Variants in CENPT observed in about 807,000 individuals in gnomAD.
CENPT encodes interphase centromere complex protein 22.
CENPT carries 42 observed loss-of-function variants against 59.7 expected under a neutral mutation model. The ratio of observed to expected loss-of-function variants is 0.70; its 90% CI spans 0.55 to 0.91. The LOEUF is 0.91. Among genes scored for constraint, CENPT ranks in the 40% least tolerant of loss-of-function variants. CENPT has a pLI of 0.00. For missense variants in CENPT, 716 were observed against 713.4 expected, an observed-to-expected ratio of 1.00 and a Z score of -0.04; for synonymous variants, 295 against 289.6, an observed-to-expected ratio of 1.02 and a Z score of -0.19.
chr16:67,842,483 C>T lies in CENPT; in HGVS notation c.-492+4918G>A. The stretch of plus-strand genomic sequence containing the variant: ...GCGGCGCCGCCCGTCGAGGGGCGGG[C>T]GGCGGCGTAGCCACTGGGCCGTCGA... On this transcript the variant is annotated intron_variant, in intron 1 of 15. Transcript: ENST00000562787. This position sits in a 1 kb window ranked among gnomAD's most constrained non-coding sequence, Gnocchi z 4.9. The T allele has an allele frequency of 1.7e-6, 2 of 1,204,240 alleles. No homozygotes were observed. Among genetic ancestry groups the T allele is most frequent in the African/African-American group, 3.2e-5 (2 of 62,650 alleles). 74.6% of individuals were successfully genotyped at this position (1,204,240 alleles called of 1,614,324 possible).
chr16:67,837,344 T>C (rs940495750), intron 1 of CENPT, among the ~76,000 whole-genome samples: 3 of 152,098 alleles, frequency 2.0e-5, no homozygotes, highest in Non-Finnish European at 4.4e-5. Context: ...CAGCTAATTA[T>C]TGTATTTTAC....
chr16:67,831,775 G>C lies in CENPT; in HGVS notation c.502C>G (p.Gln168Glu). The C allele has an allele frequency of 6.3e-7, 1 of 1,585,092 alleles. No individual in the cohort carries two copies. The highest frequency in any genetic ancestry group is 8.6e-7 in the Non-Finnish European group (1 of 1,166,430). ...RLSVFQQGVD[Q>E]GLSLSQEPQG... ...TCACCTTGGGAGAGAGACAGCCCCT[G>C]GTCCACTCCCTGCTGAAACACTGAC... The change falls in exon 8 of 16, where the codon CAG becomes GAG. Residue 168 changes from glutamine to glutamate, a missense_variant. Physicochemically the swap from Gln to Glu is conservative, Grantham distance 29. Coordinates refer to ENST00000562787, the MANE Select transcript of CENPT (RefSeq NM_025082.4).
rs777237024 is a variant in CENPT at position 67,832,542 on chromosome 16, G to A, written c.114C>T (p.Ala38=). 6.2e-7 allele frequency: 1 copy of A among 1,613,808 alleles called. No homozygotes were observed. The highest frequency in any genetic ancestry group is 1.7e-5 in the Admixed American group (1 of 60,016). ...PRRPRSARAG[A]RRALLETASP... ...AAGCCGTTTCAAGCAGGGCTCTCCGGGCTCTGTGTAAAGACCAGCAATTAT... is the reference window on the plus strand; with the variant it reads ...AAGCCGTTTCAAGCAGGGCTCTCCGAGCTCTGTGTAAAGACCAGCAATTAT... Residue 38 remains alanine, a synonymous_variant, in exon 5 of 16, where the codon GCC becomes GCT. Transcript: ENST00000562787.
At position 67,842,446 on chromosome 16, in the gene CENPT, C is replaced by G; in HGVS notation, c.-492+4955G>C. 1.2e-6 allele frequency: 1 copy of G among 867,314 alleles called. No individual in the cohort carries two copies. The allele number at this position is 867,314 out of a possible 1,614,324, so 53.7% of individuals were successfully genotyped here. On this transcript the variant is annotated intron_variant, in intron 1 of 15. Coordinates refer to ENST00000562787, the MANE Select transcript of CENPT (RefSeq NM_025082.4). The surrounding 1 kb of genome is among the most constrained non-coding windows in gnomAD (Gnocchi z 4.9). Reference sequence around the variant, plus strand: ...CCGAGCGGCAGTGGTGGGATACCACCCAAGGCCTCGCGCGGCGCCGCCCGT... The same window carrying G: ...CCGAGCGGCAGTGGTGGGATACCACGCAAGGCCTCGCGCGGCGCCGCCCGT...
intron 5 of CENPT, 65 bp from the exon 6 acceptor site, chr16:67,832,380 C>A (rs1414135294): frequency 6.2e-7 from 1 of 1,608,736 alleles, no homozygotes; most frequent in Admixed American, 1.7e-5. Context: ...AGGTGGGCTC[C>A]AGAGCAGAGC....
chr16:67,842,767 C>G lies in CENPT; in HGVS notation c.-492+4634G>C. The stretch of plus-strand genomic sequence containing the variant: ...TTCACTTCCAGGGCGGCCGCAAGAC[C>G]TACACGGTACGCGTCCCCACCATCT... On this transcript the variant is annotated intron_variant, in intron 1 of 15. Coordinates refer to ENST00000562787, the MANE Select transcript of CENPT (RefSeq NM_025082.4). The surrounding 1 kb of genome is among the most constrained non-coding windows in gnomAD (Gnocchi z 4.9). 4.3e-6 allele frequency: 7 copies of G among 1,610,632 alleles called. No homozygotes were observed. Among genetic ancestry groups the G allele is most frequent in the South Asian group, 3.3e-5 (3 of 90,668 alleles).
intron 13 of CENPT, 110 bp downstream of exon 13, chr16:67,829,313 G>C: frequency 1.2e-6 from 1 of 863,688 alleles, no homozygotes; most frequent in Middle Eastern, 2.3e-4. Flanking sequence ...AAGCTGCCCT[G>C]CTGGGTAATC....
chr16:67,831,279 G>C lies in CENPT; in HGVS notation c.640C>G (p.Arg214Gly), dbSNP rs776120648. 1.2e-6 allele frequency: 2 copies of C among 1,614,056 alleles called. No individual in the cohort carries two copies. Among genetic ancestry groups the C allele is most frequent in the Non-Finnish European group, 1.7e-6 (2 of 1,180,020 alleles). ...AAGGCACCCACGTCTACAGCTCGGC[G>C]GGCTGGAGGTCTGCGGGCCAAGCCA... is the stretch of plus-strand genomic sequence containing the variant. ...RPGLARRPPA[R>G]RAVDVGAFLR... The change falls in exon 10 of 16, where the codon CGC becomes GGC. Residue 214 changes from arginine to glycine, a missense_variant. Physicochemically the swap from Arg to Gly is moderately radical, Grantham distance 125. Transcript: ENST00000562787.
At chr16:67,846,067 G>A (rs1388712200) in intron 1 of CENPT, among the ~76,000 whole-genome samples, 1 of 152,240 alleles carries the variant, frequency 6.6e-6, no homozygotes, top group Admixed American at 6.5e-5. Flanking sequence ...GTCTGACCTA[G>A]AGACTGGCCT....
At chr16:67,836,589 C>T (rs896572738) in intron 1 of CENPT, among the ~76,000 whole-genome samples, 4 of 151,392 alleles carry the variant, frequency 2.6e-5, no homozygotes, top group African/African-American at 7.3e-5. Flanking sequence ...AGGGGCCCAC[C>T]GCCAAGCCCG....
chr16:67,843,259 G>A lies in CENPT; in HGVS notation c.-492+4142C>T, dbSNP rs1598151134. 2.5e-6 allele frequency: 4 copies of A among 1,613,036 alleles called. No individual in the cohort carries two copies. The South Asian group carries it at 3.3e-5, about 13-fold the overall frequency. ...CCCAGTTGGTGGTGGTAGGGGAAGAGGGCTTCCCTGATACTGGCTCCGACC... is the reference window on the plus strand; with the variant it reads ...CCCAGTTGGTGGTGGTAGGGGAAGAAGGCTTCCCTGATACTGGCTCCGACC... On this transcript the variant is annotated intron_variant, in intron 1 of 15. Coordinates refer to ENST00000562787, the MANE Select transcript of CENPT (RefSeq NM_025082.4). This position sits in a 1 kb window ranked among gnomAD's most constrained non-coding sequence, Gnocchi z 5.7.
chr16:67,842,837 G>T lies in CENPT; in HGVS notation c.-492+4564C>A. Reference sequence around the variant, plus strand: ...TGAGCGCAAAGTAGCGCGCAGACCCGCTGGGGCCGCGGCCGCCCGCCGCAG... The same window carrying T: ...TGAGCGCAAAGTAGCGCGCAGACCCTCTGGGGCCGCGGCCGCCCGCCGCAG... On this transcript the variant is annotated intron_variant, in intron 1 of 15. Transcript: ENST00000562787. This position sits in a 1 kb window ranked among gnomAD's most constrained non-coding sequence, Gnocchi z 4.9. 4 of 1,608,062 alleles carry T rather than the reference G, an allele frequency of 2.5e-6. No homozygotes were observed. The highest frequency in any genetic ancestry group is 3.4e-6 in the Non-Finnish European group (4 of 1,179,066).
rs767106873 is a variant in CENPT, at chr16:67,842,827, G to T, written c.-492+4574C>A. ...GCGGCGTCAATGAGCGCAAAGTAGC[G>T]CGCAGACCCGCTGGGGCCGCGGCCG... On this transcript the variant is annotated intron_variant, in intron 1 of 15. Coordinates refer to ENST00000562787, the MANE Select transcript of CENPT (RefSeq NM_025082.4). The surrounding 1 kb of genome is among the most constrained non-coding windows in gnomAD (Gnocchi z 4.9). 3 of 1,609,310 alleles carry T rather than the reference G, an allele frequency of 1.9e-6. No homozygotes were observed. In the South Asian group the frequency reaches 3.3e-5, roughly 18 times the overall value.
At chr16:67,831,728 A>G (rs771328291) in intron 8 of CENPT, 26 bp downstream of exon 8, 2 of 1,583,762 alleles carry the variant, frequency 1.3e-6, no homozygotes, top group South Asian at 2.3e-5. Context: ...GGGAGAGGGT[A>G]GCAAAAGTGG....
intron 1 of CENPT, among the ~76,000 whole-genome samples, chr16:67,839,861 C>T (rs1217736517): frequency 1.3e-5 from 2 of 151,924 alleles, no homozygotes; most frequent in Non-Finnish European, 2.9e-5. Flanking sequence ...ACAATGAGAA[C>T]GAAACTCCAT....
At chr16:67,834,960 G>A (rs978244306) in intron 3 of CENPT, among the ~76,000 whole-genome samples, 1 of 152,050 alleles carries the variant, frequency 6.6e-6, no homozygotes, top group East Asian at 1.9e-4. Flanking sequence ...TCCTGCCTCA[G>A]CCTCCCGAGT....
chr16:67,843,659 C>CACT lies in CENPT; in HGVS notation c.-492+3741_-492+3742insAGT. 1 of 707,754 alleles carries CACT rather than the reference C, an allele frequency of 1.4e-6. No individual in the cohort carries two copies. Among genetic ancestry groups the CACT allele is most frequent in the Non-Finnish European group, 2.3e-6 (1 of 431,058 alleles). The allele number at this position is 707,754 out of a possible 1,614,324, so 43.8% of individuals were successfully genotyped here. A position where few individuals can be genotyped will look rare whatever the true frequency, so the allele number is the denominator to read the frequency against. On this transcript the variant is annotated intron_variant, in intron 1 of 15. Coordinates refer to ENST00000562787, the MANE Select transcript of CENPT (RefSeq NM_025082.4). This position sits in a 1 kb window ranked among gnomAD's most constrained non-coding sequence, Gnocchi z 5.7. The stretch of plus-strand genomic sequence containing the variant: ...GTGACCTGGCATCCTCAATTGTTTC[C>CACT]TCCTGAAGTGGAAGCTGGGGCCTTA...
chr16:67,834,568 G>A (rs2057723234), intron 3 of CENPT, among the ~76,000 whole-genome samples: 4 of 152,178 alleles, frequency 2.6e-5, no homozygotes, highest in Admixed American at 2.6e-4. Flanking sequence ...TAAGTGAGTC[G>A]TGATCGCACT....
At chr16:67,847,104 G>T (rs1318584621) in intron 1 of CENPT, 2 of 150,652 alleles carry the variant, frequency 1.3e-5, no homozygotes, top group Non-Finnish European at 3.0e-5. Flanking sequence ...CCCCCCGGCG[G>T]CCCGAAGCCG....
Sources: allele counts gnomAD v4.1 joint callset (sites outside exome capture counted in the v4.1 genomes callset), GRCh38; gene constraint gnomAD v4.1.1; non-coding constraint Gnocchi (gnomAD v3.1); transcripts MANE v1.5; gene names NCBI Gene and HGNC (gene_info 2026-07-23, HGNC 2026-07-21).